MYO1E: variants seen among roughly 807,000 people sequenced by gnomAD.
MYO1E encodes the protein unconventional myosin-Ie.
MYO1E carries 68 observed loss-of-function variants against 151.1 expected under a neutral mutation model. That is an observed-to-expected ratio of 0.45 (90% CI 0.37 to 0.55). MYO1E has a LOEUF of 0.55. Ranked by LOEUF, MYO1E falls within the 20% of genes least tolerant of loss-of-function variation. MYO1E has a pLI of 0.00. For missense variants in MYO1E, 1,363 were observed against 1,389.3 expected (o/e 0.98, Z 0.30); for synonymous variants, 601 against 501.7 (o/e 1.20, Z -2.64).
At chr15:59,199,621 CAATAT>C (rs1225974760) in intron 16 of MYO1E, among the ~76,000 whole-genome samples, 1 of 152,010 alleles carries the variant, frequency 6.6e-6, no homozygotes, top group African/African-American at 2.4e-5. Context: ...TATTTATAAT[CAATAT>C]AATAAGAGTT....
At chr15:59,167,798 T>C (rs28660097) in intron 22 of MYO1E, among the ~76,000 whole-genome samples, 4,080 of 152,302 alleles carry the variant, frequency 0.027, 223 homozygotes, top group African/African-American at 0.093. Flanking sequence ...TGCCGCAGCC[T>C]CCTAAGTAGC....
intron 1 of MYO1E, among the ~76,000 whole-genome samples, chr15:59,291,915 T>C (rs1349965404): frequency 6.6e-6 from 1 of 151,984 alleles, no homozygotes; most frequent in Non-Finnish European, 1.5e-5. Flanking sequence ...TCAAATACCA[T>C]AAATGCTCTA....
intron 4 of MYO1E, among the ~76,000 whole-genome samples, chr15:59,246,391 A>G (rs1443055906): frequency 3.9e-5 from 6 of 152,352 alleles, no homozygotes; most frequent in Admixed American, 3.3e-4. Flanking sequence ...GGCGTGAGCC[A>G]CCATGCCCAG....
chr15:59,233,719 A>G (rs1231242833), intron 5 of MYO1E, among the ~76,000 whole-genome samples: 1 of 148,692 alleles, frequency 6.7e-6, no homozygotes, highest in African/African-American at 2.5e-5. Flanking sequence ...TCTTGTCTCC[A>G]TGTCAACCCT....
intron 10 of MYO1E, among the ~76,000 whole-genome samples, chr15:59,217,541 T>TTTTTG (rs869248178): frequency 7.1e-6 from 1 of 141,230 alleles, no homozygotes; most frequent in Non-Finnish European, 1.5e-5. Context: ...TTTTTTTTTT[T>TTTTTG]GGGAGATAGG....
At position 59,231,800 on chromosome 15, in the gene MYO1E, G is replaced by A; in HGVS notation, c.421-9C>T. On this transcript the variant is annotated splice_polypyrimidine_tract_variant and intron_variant, in intron 5 of 27. Coordinates refer to ENST00000288235, the MANE Select transcript of MYO1E (RefSeq NM_004998.4). ...ATAATGTCCTTCACGTGCTGTCCCAGCAAATAGACCGGAGGTTAGGAAGGT... is the reference window on the plus strand; with the variant it reads ...ATAATGTCCTTCACGTGCTGTCCCAACAAATAGACCGGAGGTTAGGAAGGT... 6.2e-7 allele frequency: 1 copy of A among 1,613,964 alleles called. No individual in the cohort carries two copies. Among genetic ancestry groups the A allele is most frequent in the Non-Finnish European group, 8.5e-7 (1 of 1,179,858 alleles).
At chr15:59,255,899 A>C (rs1383501795) in intron 4 of MYO1E, among the ~76,000 whole-genome samples, 1 of 152,204 alleles carries the variant, frequency 6.6e-6, no homozygotes, top group African/African-American at 2.4e-5. Flanking sequence ...CAGACACCTA[A>C]TGCTGGCAAT....
At chr15:59,217,519 CTT>C (rs1164320277) in intron 10 of MYO1E, among the ~76,000 whole-genome samples, 157 of 53,168 alleles carry the variant, frequency 3.0e-3, no homozygotes, top group African/African-American at 9.5e-3. Context: ...GTCGTTTTAC[CTT>C]TTTTTTTTTT....
At chr15:59,140,122 G>A (rs1175617674) in intron 26 of MYO1E, among the ~76,000 whole-genome samples, 2 of 152,078 alleles carry the variant, frequency 1.3e-5, no homozygotes, top group Non-Finnish European at 2.9e-5. Flanking sequence ...CCTATGCCCT[G>A]TAGGATCCCT....
In MYO1E at chr15:59,245,536, G is replaced by A. The variant is rs542741953; in HGVS notation, c.333-8864C>T. ...TTTAGCTTCTATGCAGGATGCACCTGACAAAGACTTTGCAAACTGGTATTG... is the reference window on the plus strand; with the variant it reads ...TTTAGCTTCTATGCAGGATGCACCTAACAAAGACTTTGCAAACTGGTATTG... On this transcript the variant is annotated intron_variant, in intron 4 of 27. Transcript: ENST00000288235. Among the ~76,000 whole-genome samples the A allele has an allele frequency of 2.0e-3, 308 of 152,248 alleles. 1 individual carries two copies. Among genetic ancestry groups the A allele is most frequent in the African/African-American group, 7.1e-3 (293 of 41,560 alleles).
chr15:59,194,533 C>A (rs1483642526), intron 17 of MYO1E, among the ~76,000 whole-genome samples: 2 of 152,156 alleles, frequency 1.3e-5, no homozygotes, highest in Non-Finnish European at 2.9e-5. Flanking sequence ...GAAGCTAAAC[C>A]TGGAGTTCTT....
At position 59,236,369 on chromosome 15, in the gene MYO1E, TACACAC is replaced by T. The variant is rs56164138; in HGVS notation, c.420+210_420+215del. 0.21 allele frequency among the ~76,000 whole-genome samples: 24,979 copies of T among 117,536 alleles called. 3,682 individuals are homozygous for T. The highest frequency in any genetic ancestry group is 0.3 in the Admixed American group (3,363 of 11,052). 77.1% of individuals were successfully genotyped at this position (117,536 alleles called of 152,430 possible). A position where few individuals can be genotyped will look rare whatever the true frequency, so the allele number is the denominator to read the frequency against. ...TCAAAAAAGAAAAAAAAAAAATATA[TACACAC>T]ACACACACACACACACACACACACA... On this transcript the variant is annotated intron_variant, in intron 5 of 27. Coordinates refer to ENST00000288235, the MANE Select transcript of MYO1E (RefSeq NM_004998.4).
At chr15:59,289,954 C>T (rs1378053599) in intron 1 of MYO1E, among the ~76,000 whole-genome samples, 2 of 152,234 alleles carry the variant, frequency 1.3e-5, no homozygotes, top group Non-Finnish European at 2.9e-5. Context: ...GGGCAACCCA[C>T]ATCAAGAAGT....
At chr15:59,330,277 C>G (rs1305971202) in intron 1 of MYO1E, among the ~76,000 whole-genome samples, 1 of 152,114 alleles carries the variant, frequency 6.6e-6, no homozygotes, top group Non-Finnish European at 1.5e-5. Flanking sequence ...AAGGCATTCT[C>G]AAGGTACCTA....
intron 26 of MYO1E, among the ~76,000 whole-genome samples, chr15:59,141,647 C>T (rs761061282): frequency 9.9e-5 from 15 of 151,828 alleles, no homozygotes; most frequent in Non-Finnish European, 1.3e-4. Context: ...AAAATACAGA[C>T]GGTAGCTGGG....
chr15:59,311,719 A>G (rs1006915927), intron 1 of MYO1E, among the ~76,000 whole-genome samples: 3 of 152,206 alleles, frequency 2.0e-5, no homozygotes, highest in Non-Finnish European at 4.4e-5. Context: ...TCAATCCCCA[A>G]TGCGACAGTG....
At chr15:59,285,350 C>T (rs1290332998) in intron 1 of MYO1E, among the ~76,000 whole-genome samples, 2 of 74,054 alleles carry the variant, frequency 2.7e-5, no homozygotes, top group African/African-American at 5.3e-5. Context: ...GACACTGTCT[C>T]TTTTTTTTTT....
intron 18 of MYO1E, among the ~76,000 whole-genome samples, chr15:59,182,740 A>C (rs1453288036): frequency 6.6e-6 from 1 of 152,206 alleles, no homozygotes; most frequent in Non-Finnish European, 1.5e-5. Flanking sequence ...TACAGCATGG[A>C]ATCATGAAGC....
chr15:59,249,999 G>A (rs1200857432), intron 4 of MYO1E, among the ~76,000 whole-genome samples: 3 of 151,978 alleles, frequency 2.0e-5, no homozygotes, highest in African/African-American at 7.2e-5. Context: ...CAGGTGTGAG[G>A]CGTGCTGCCC....
Sources: allele counts gnomAD v4.1 joint callset (sites outside exome capture counted in the v4.1 genomes callset), GRCh38; gene constraint gnomAD v4.1.1; transcripts MANE v1.5; gene names NCBI Gene and HGNC (gene_info 2026-07-23, HGNC 2026-07-21).